The following ANAPC10 variants were observed in gnomAD, a reference collection of about 807,000 sequenced individuals.
The protein encoded by ANAPC10 is anaphase-promoting complex subunit 10.
A neutral mutation model predicts 22.0 loss-of-function variants in ANAPC10; 12 were observed. That is an observed-to-expected ratio of 0.55 (90% CI 0.35 to 0.88). The LOEUF is 0.88. Among genes scored for constraint, ANAPC10 ranks in the 40% least tolerant of loss-of-function variants. The probability of loss-of-function intolerance (pLI) is 0.01; values close to 1 mark genes in which losing one functional copy is unlikely to be tolerated. For missense variants in ANAPC10, 188 were observed against 220.9 expected (o/e 0.85, Z 0.94); for synonymous variants, 65 against 69.5 (o/e 0.94, Z 0.32).
intron 4 of ANAPC10, among the ~76,000 whole-genome samples, chr4:145,058,181 A>G (rs1412710205): frequency 6.6e-6 from 1 of 152,194 alleles, no homozygotes; most frequent in Admixed American, 6.5e-5. Flanking sequence ...ATACTTCTCC[A>G]GTCTTTCTTA....
intron 4 of ANAPC10, among the ~76,000 whole-genome samples, chr4:145,006,456 TA>T (rs1212969960): frequency 6.6e-6 from 1 of 152,012 alleles, no homozygotes; most frequent in Non-Finnish European, 1.5e-5. Flanking sequence ...TAGCAATGAA[TA>T]AAAGAATGTA....
chr4:145,005,196 G>A (rs185694533), intron 4 of ANAPC10, among the ~76,000 whole-genome samples: 36 of 152,048 alleles, frequency 2.4e-4, no homozygotes, highest in Middle Eastern at 3.4e-3. Context: ...GATTACAGGC[G>A]TGAACCACCA....
intron 4 of ANAPC10, among the ~76,000 whole-genome samples, chr4:145,016,921 T>G (rs955383753): frequency 7.2e-5 from 11 of 152,192 alleles, no homozygotes; most frequent in African/African-American, 9.7e-5. Flanking sequence ...TAGCCATATG[T>G]AGAAAGCTGA....
At chr4:145,017,592 C>A in intron 4 of ANAPC10, among the ~76,000 whole-genome samples, 1 of 152,134 alleles carries the variant, frequency 6.6e-6, no homozygotes, top group East Asian at 1.9e-4. Context: ...ACTAGAAATA[C>A]CATTTGACCC....
intron 3 of ANAPC10, among the ~76,000 whole-genome samples, chr4:145,076,231 C>T (rs34110169): frequency 2.0e-5 from 3 of 152,104 alleles, no homozygotes; most frequent in Non-Finnish European, 4.4e-5. Context: ...CACTGTGGCC[C>T]CTCCAGTACA....
At chr4:145,097,552 C>G (rs1165680408) in intron 1 of ANAPC10, 1 of 1,286,912 alleles carries the variant, frequency 7.8e-7, no homozygotes, top group Non-Finnish European at 1.0e-6. Flanking sequence ...CACACAAGCA[C>G]TTGATACTTA....
chr4:145,034,523 T>TTATATATATATATATATATATATATA (rs370113295), intron 4 of ANAPC10, among the ~76,000 whole-genome samples: 13 of 91,740 alleles, frequency 1.4e-4, no homozygotes, highest in African/African-American at 6.7e-4. Flanking sequence ...AAACTCTCCT[T>TTATATATATATATATATATATATATA]TATATATATA....
intron 4 of ANAPC10, among the ~76,000 whole-genome samples, chr4:145,020,038 C>A (rs1735753770): frequency 2.0e-5 from 3 of 152,150 alleles, no homozygotes. Flanking sequence ...CCTACTGACA[C>A]TATTCCACAA....
At chr4:145,049,816 A>C (rs1195865224) in intron 4 of ANAPC10, among the ~76,000 whole-genome samples, 3 of 151,892 alleles carry the variant, frequency 2.0e-5, no homozygotes, top group Non-Finnish European at 4.4e-5. Context: ...AGCTCCTGGG[A>C]TCAAGAGATT....
chr4:145,082,498 T>C (rs1230943518), intron 2 of ANAPC10, among the ~76,000 whole-genome samples: 5 of 152,218 alleles, frequency 3.3e-5, no homozygotes. Context: ...CTTGTGCTTT[T>C]TGCAAGCTGA....
intron 4 of ANAPC10, chr4:145,053,830 C>T (rs1741490091): frequency 3.5e-6 from 2 of 566,254 alleles, no homozygotes; most frequent in African/African-American, 3.9e-5. Flanking sequence ...TTAAGATATA[C>T]TTTTAAATTA....
intron 4 of ANAPC10, among the ~76,000 whole-genome samples, chr4:145,053,422 G>A (rs954840605): frequency 5.9e-5 from 9 of 152,116 alleles, no homozygotes; most frequent in African/African-American, 2.2e-4. Context: ...TACTGCCTCT[G>A]TCCTACTTAA....
intron 3 of ANAPC10, among the ~76,000 whole-genome samples, chr4:145,070,757 C>T (rs987164151): frequency 1.3e-5 from 2 of 152,068 alleles, no homozygotes; most frequent in African/African-American, 4.8e-5. Flanking sequence ...TGTCCTCTGA[C>T]GAATGGATAA....
At chr4:145,031,226 T>C (rs1303629554) in intron 4 of ANAPC10, among the ~76,000 whole-genome samples, 1 of 152,208 alleles carries the variant, frequency 6.6e-6, no homozygotes, top group Non-Finnish European at 1.5e-5. Context: ...CCACAAGATA[T>C]CACACTGGTC....
chr4:145,024,314 TA>T (rs1445794720), intron 4 of ANAPC10, among the ~76,000 whole-genome samples: 2 of 152,212 alleles, frequency 1.3e-5, no homozygotes, highest in Non-Finnish European at 2.9e-5. Context: ...ACATGAATCA[TA>T]AATGTTCTTA....
intron 2 of ANAPC10, among the ~76,000 whole-genome samples, chr4:145,091,962 T>C (rs1579175892): frequency 1.3e-5 from 2 of 152,134 alleles, no homozygotes; most frequent in East Asian, 3.9e-4. Flanking sequence ...GCCAGGCACA[T>C]GCAGCCTACC....
rs555203671 is a variant in ANAPC10 at position 145,070,272 on chromosome 4, G to T, written c.207-5580C>A. 1.2e-4 allele frequency among the ~76,000 whole-genome samples: 18 copies of T among 152,260 alleles called. No individual in the cohort carries two copies. The South Asian group carries it at 3.5e-3, about 30-fold the overall frequency. The stretch of plus-strand genomic sequence containing the variant: ...TCTATGGGAGCTTTAATACTACAAT[G>T]GCAAAGTTGAGCAATTGCAGCAGGA... On this transcript the variant is annotated intron_variant, in intron 3 of 4. Coordinates refer to ENST00000507656, the MANE Select transcript of ANAPC10 (RefSeq NM_001256706.2).
At chr4:145,023,445 T>G (rs539043161) in intron 4 of ANAPC10, among the ~76,000 whole-genome samples, 3 of 152,304 alleles carry the variant, frequency 2.0e-5, no homozygotes, top group Non-Finnish European at 4.4e-5. Flanking sequence ...CTATATAATC[T>G]GTAGTAATGC....
chr4:145,093,428 T>C (rs981691202), intron 2 of ANAPC10, among the ~76,000 whole-genome samples: 1 of 151,692 alleles, frequency 6.6e-6, no homozygotes, highest in East Asian at 1.9e-4. Flanking sequence ...AATCTGCACA[T>C]ATTTGGCACT....
Sources: gnomAD v4.1 joint callset for allele counts (sites outside exome capture counted in the v4.1 genomes callset) on GRCh38, gnomAD v4.1.1 for gene constraint, MANE v1.5 for transcripts, NCBI Gene and HGNC (gene_info 2026-07-23, HGNC 2026-07-21) for gene names.